Variants in AKAP7 observed in about 807,000 individuals in gnomAD.
AKAP7 encodes A kinase (PRKA) anchor protein 7.
A neutral mutation model predicts 39.5 loss-of-function variants in AKAP7; 39 were observed. The observed-to-expected ratio is 0.99, with a 90% CI of 0.76 to 1.29. The LOEUF is 1.29. Among genes scored for constraint, AKAP7 ranks in the 50% most tolerant of loss-of-function variants. The pLI is 0.00. For missense variants in AKAP7, 414 were observed against 407.7 expected (o/e 1.02, Z -0.13); for synonymous variants, 140 against 139.1 (o/e 1.01, Z -0.05).
chr6:131,180,054 T>C (rs969803868), intron 5 of AKAP7, among the ~76,000 whole-genome samples: 1 of 152,212 alleles, frequency 6.6e-6, no homozygotes, highest in Non-Finnish European at 1.5e-5. Flanking sequence ...GTTTTCCTCA[T>C]GTCTGCTGTT....
At chr6:131,164,200 C>A (rs1486929726) in intron 3 of AKAP7, 27 of 315,134 alleles carry the variant, frequency 8.6e-5, no homozygotes, top group Middle Eastern at 2.3e-3. Context: ...CCCTTTTTTT[C>A]TATTGTGCTG....
chr6:131,250,608 G>GA (rs1434090806), intron 7 of AKAP7: 2 of 1,613,946 alleles, frequency 1.2e-6, no homozygotes, highest in Non-Finnish European at 1.7e-6. Flanking sequence ...AGAGATGAAG[G>GA]AAAAATCAGT....
chr6:131,219,673 A>G lies in AKAP7; in HGVS notation c.715A>G (p.Ile239Val), dbSNP rs754411055. ...TTTTCATTTCAAGGGAGTGAAAAAA[A>G]TAGATCCTGATTTATATGAAAAGTT... ...PWLRKNGVKK[I>V]DPDLYEKFIS... is the part of the protein sequence containing the mutation. The change falls in exon 7 of 8, where the codon ATA (isoleucine) becomes GTA (valine). Residue 239 changes from isoleucine (I) to valine (V), a missense_variant. By Grantham distance (29) the Ile-to-Val change is conservative (BLOSUM62 3). Transcript: ENST00000431975. 1 of 1,596,114 alleles carries G rather than the reference A, an allele frequency of 6.3e-7. No individual in the cohort carries two copies. Among genetic ancestry groups the G allele is most frequent in the Non-Finnish European group, 8.5e-7 (1 of 1,172,420 alleles).
intron 5 of AKAP7, chr6:131,184,714 C>A: frequency 1.2e-6 from 1 of 832,942 alleles, no homozygotes; most frequent in Non-Finnish European, 2.1e-6. Context: ...TCCATCAGGA[C>A]CCTTTTTGGA....
chr6:131,126,144 C>A, the AKAP7 span, among the ~76,000 whole-genome samples: 1 of 152,262 alleles, frequency 6.6e-6, no homozygotes, highest in East Asian at 1.9e-4. Flanking sequence ...GGCTTGAGAT[C>A]ATTTATAATA....
chr6:131,161,644 C>CAAAAA lies in AKAP7; in HGVS notation c.291+1482_291+1486dup, dbSNP rs55744190. Among the ~76,000 whole-genome samples the CAAAAA allele has an allele frequency of 5.6e-3, 188 of 33,620 alleles. 27 individuals are homozygous for CAAAAA. Among genetic ancestry groups the CAAAAA allele is most frequent in the African/African-American group, 8.5e-3 (79 of 9,344 alleles). 22.1% of individuals were successfully genotyped at this position (33,620 alleles called of 152,430 possible). A position where few individuals can be genotyped will look rare whatever the true frequency, so the allele number is the denominator to read the frequency against. The stretch of plus-strand genomic sequence containing the variant: ...TGGGTGACAGAGCCAGACTGTATCT[C>CAAAAA]AAAAAAAAAAAAAAAAAAAAAAAAA... On this transcript the variant is annotated intron_variant, in intron 3 of 7. Coordinates refer to ENST00000431975, the MANE Select transcript of AKAP7 (RefSeq NM_016377.4).
At chr6:131,183,530 G>T (rs1805496772) in intron 5 of AKAP7, among the ~76,000 whole-genome samples, 2 of 152,108 alleles carry the variant, frequency 1.3e-5, no homozygotes, top group Admixed American at 6.5e-5. Context: ...CCCTTGAGCT[G>T]CTGGCCTGGC....
In AKAP7 at chr6:131,282,640, A is replaced by C. The variant is rs1202634864; in HGVS notation, c.*914A>C. 13 of 1,494,810 alleles carry C rather than the reference A, an allele frequency of 8.7e-6. No homozygotes were observed. Among genetic ancestry groups the C allele is most frequent in the Non-Finnish European group, 1.1e-5 (12 of 1,113,114 alleles). 92.6% of individuals were successfully genotyped at this position (1,494,810 alleles called of 1,614,324 possible). A position where few individuals can be genotyped will look rare whatever the true frequency, so the allele number is the denominator to read the frequency against. ...GCGATTGTGACAACATAGCTTATGA[A>C]ATCTTTTCAGCTTATTAAGTAGCTC... On this transcript the variant is annotated 3_prime_UTR_variant, in exon 8 of 8. Coordinates refer to ENST00000431975, the MANE Select transcript of AKAP7 (RefSeq NM_016377.4).
intron 2 of AKAP7, among the ~76,000 whole-genome samples, chr6:131,154,478 T>G (rs1430947875): frequency 1.3e-5 from 2 of 151,180 alleles, no homozygotes; most frequent in Non-Finnish European, 3.0e-5. Context: ...GTTTTTTTTT[T>G]TTTTTTTTTT....
intron 7 of AKAP7, among the ~76,000 whole-genome samples, chr6:131,228,318 T>C (rs1408725754): frequency 6.6e-6 from 1 of 152,202 alleles, no homozygotes; most frequent in Admixed American, 6.6e-5. Flanking sequence ...AAATGTTGAA[T>C]TTGAAAATGT....
chr6:131,266,878 C>T (rs904271444), intron 7 of AKAP7, among the ~76,000 whole-genome samples: 15 of 152,024 alleles, frequency 9.9e-5, no homozygotes, highest in Non-Finnish European at 8.8e-5. Context: ...TTATAATTCT[C>T]GATAAACTTG....
chr6:131,161,683 A>C lies in AKAP7; in HGVS notation c.291+1485A>C, dbSNP rs1802977674. Among the ~76,000 whole-genome samples, 5 of 136,046 alleles carry C rather than the reference A, an allele frequency of 3.7e-5. No homozygotes were observed. In the South Asian group the frequency reaches 1.2e-3, roughly 32 times the overall value. 89.3% of individuals were successfully genotyped at this position (136,046 alleles called of 152,430 possible). On this transcript the variant is annotated intron_variant, in intron 3 of 7. Transcript: ENST00000431975. Reference sequence around the variant, plus strand: ...AAAAAAAAAAAAAAAAAAAAAAAAAAATTAAAGGTCCTAGTGCAATAGTCA... The same window carrying C: ...AAAAAAAAAAAAAAAAAAAAAAAAACATTAAAGGTCCTAGTGCAATAGTCA...
intron 7 of AKAP7, among the ~76,000 whole-genome samples, chr6:131,240,514 A>G (rs149475672): frequency 0.021 from 3,215 of 152,304 alleles, 63 homozygotes; most frequent in Non-Finnish European, 0.034. Context: ...GGTGAAGTCT[A>G]TAGAGGCAGG....
intron 7 of AKAP7, among the ~76,000 whole-genome samples, chr6:131,243,531 AG>A (rs996827363): frequency 3.9e-5 from 6 of 152,316 alleles, no homozygotes; most frequent in African/African-American, 1.2e-4. Flanking sequence ...CTTTTAATTG[AG>A]GATTCACTTT....
At chr6:131,239,947 T>C (rs1158991019) in intron 7 of AKAP7, among the ~76,000 whole-genome samples, 1 of 152,218 alleles carries the variant, frequency 6.6e-6, no homozygotes, top group African/African-American at 2.4e-5. Flanking sequence ...CCGTTGCTGG[T>C]GAGGAGCTGC....
chr6:131,222,034 A>G (rs1283270835), intron 7 of AKAP7, among the ~76,000 whole-genome samples: 1 of 152,234 alleles, frequency 6.6e-6, no homozygotes, highest in African/African-American at 2.4e-5. Context: ...TGTGATAGAT[A>G]TGAGCAAAGC....
intron 7 of AKAP7, among the ~76,000 whole-genome samples, chr6:131,241,621 G>GTATATACGTATATATATATA (rs1221493841): frequency 2.8e-5 from 2 of 71,580 alleles, no homozygotes; most frequent in African/African-American, 5.3e-5. Context: ...GTGTGTGTGT[G>GTATATACGTATATATATATA]TGTGTGTATA....
chr6:131,250,235 T>C (rs1812331695), intron 7 of AKAP7: 1 of 1,051,912 alleles, frequency 9.5e-7, no homozygotes, highest in Non-Finnish European at 1.1e-6. Context: ...CATATGCAAA[T>C]AGCCAGACAG....
intron 6 of AKAP7, among the ~76,000 whole-genome samples, chr6:131,217,460 G>A (rs1809288282): frequency 1.3e-5 from 2 of 152,156 alleles, no homozygotes; most frequent in Admixed American, 6.5e-5. Context: ...ATCAGACAAT[G>A]CAGAGGCTTA....
Sources: gnomAD v4.1 joint callset for allele counts (sites outside exome capture counted in the v4.1 genomes callset) on GRCh38, gnomAD v4.1.1 for gene constraint, MANE v1.5 for transcripts, NCBI Gene and HGNC (gene_info 2026-07-23, HGNC 2026-07-21) for gene names.